The following KLF13 variants were observed in gnomAD, a reference collection of about 807,000 sequenced individuals.
KLF13 encodes the protein KLF transcription factor 13.
A neutral mutation model predicts 16.7 loss-of-function variants in KLF13; 8 were observed. That is an observed-to-expected ratio of 0.48 (90% CI 0.28 to 0.87). The LOEUF (loss-of-function observed/expected upper bound fraction) is 0.87, where lower values mean the gene tolerates loss of function less well. Ranked by LOEUF, KLF13 falls within the 40% of genes least tolerant of loss-of-function variation. The pLI is 0.10. For synonymous variants in KLF13, 245 were observed against 208.4 expected (o/e 1.18, Z -1.51); for missense variants, 447 against 452.2 (o/e 0.99, Z 0.10).
chr15:31,367,915 C>T (rs931666546), intron 1 of KLF13, among the ~76,000 whole-genome samples: 14 of 152,220 alleles, frequency 9.2e-5, no homozygotes, highest in African/African-American at 3.1e-4. Context: ...AACTTACTCT[C>T]TCACAGTTCC....
chr15:31,350,218 C>T (rs1217762685), intron 1 of KLF13, among the ~76,000 whole-genome samples: 1 of 152,234 alleles, frequency 6.6e-6, no homozygotes, highest in Non-Finnish European at 1.5e-5. Flanking sequence ...ATTGGGCATC[C>T]TGGACCCACG....
At chr15:31,431,133 G>A (rs1174834385) in intron 1 of KLF13, among the ~76,000 whole-genome samples, 3 of 152,172 alleles carry the variant, frequency 2.0e-5, no homozygotes, top group Non-Finnish European at 4.4e-5. Flanking sequence ...AAAAGAGCTT[G>A]CTGCCTCTTT....
chr15:31,369,756 GT>G (rs1403933787), intron 1 of KLF13, among the ~76,000 whole-genome samples: 16 of 152,148 alleles, frequency 1.1e-4, no homozygotes, highest in Non-Finnish European at 2.4e-4. Context: ...TAGCTCCTTG[GT>G]TTTATCTCAT....
intron 2 of KLF13, among the ~76,000 whole-genome samples, chr15:31,394,079 C>T (rs1484601142): frequency 1.8e-4 from 27 of 151,920 alleles, no homozygotes; most frequent in Non-Finnish European, 1.5e-4. Context: ...GTGCACTGGC[C>T]AAAGAGAGAT....
At chr15:31,393,878 T>C (rs1206576359) in intron 2 of KLF13, among the ~76,000 whole-genome samples, 1 of 152,128 alleles carries the variant, frequency 6.6e-6, no homozygotes, top group Non-Finnish European at 1.5e-5. Flanking sequence ...CGGGTCGGGC[T>C]TCTGTCTGCG....
At chr15:31,415,663 CT>C (rs2141004529) in intron 1 of KLF13, among the ~76,000 whole-genome samples, 1 of 152,118 alleles carries the variant, frequency 6.6e-6, no homozygotes, top group South Asian at 2.1e-4. Context: ...AAATTTATAG[CT>C]GTAAATACCT....
chr15:31,358,848 G>A (rs1174374556), intron 1 of KLF13, among the ~76,000 whole-genome samples: 38 of 152,182 alleles, frequency 2.5e-4, no homozygotes, highest in Admixed American at 2.5e-3. Context: ...GCCTCCCGAT[G>A]CCCAGAACAA....
chr15:31,371,589 A>G (rs2039555206), intron 1 of KLF13, among the ~76,000 whole-genome samples: 3 of 152,202 alleles, frequency 2.0e-5, no homozygotes, highest in Admixed American at 2.0e-4. Flanking sequence ...ATGGAGCAGC[A>G]TGGGCGGCTG....
chr15:31,356,905 G>A (rs2039309417), intron 1 of KLF13, among the ~76,000 whole-genome samples: 1 of 152,200 alleles, frequency 6.6e-6, no homozygotes, highest in Admixed American at 6.5e-5. Context: ...GGCCCGTCGG[G>A]TGGCATCTGG....
In KLF13 at chr15:31,420,853, C is replaced by T. The variant is rs149828314; in HGVS notation, n.118-14517C>T. On this transcript the variant is annotated intron_variant and non_coding_transcript_variant, in intron 1 of 1. Coordinates refer to the KLF13 transcript ENST00000558225. ...GATTACAAGCACCTGCCACCATGCC[C>T]GGCTAATTTTGATATTTTTAGTAGA... Among the ~76,000 whole-genome samples the T allele has an allele frequency of 2.6e-4, 39 of 152,064 alleles. No homozygotes were observed. The East Asian group carries it at 5.8e-3, about 23-fold the overall frequency.
chr15:31,406,203 G>A (rs117433062), downstream of KLF13, among the ~76,000 whole-genome samples: 87 of 152,306 alleles, frequency 5.7e-4, 1 homozygote, highest in East Asian at 0.01. Context: ...TGATAGGCCC[G>A]GCACAGTGGC....
intron 2 of KLF13, among the ~76,000 whole-genome samples, chr15:31,402,584 G>A (rs1379452604): frequency 6.6e-6 from 1 of 152,246 alleles, no homozygotes; most frequent in Non-Finnish European, 1.5e-5. Context: ...GTCCGACCTG[G>A]CTGTCAGCGG....
chr15:31,333,119 G>C (rs1241662516), intron 1 of KLF13, among the ~76,000 whole-genome samples: 1 of 151,352 alleles, frequency 6.6e-6, no homozygotes, highest in Non-Finnish European at 1.5e-5. Context: ...TGCTCTAGGG[G>C]CCAGGCATCA....
chr15:31,348,671 C>G (rs2140945641), intron 1 of KLF13, among the ~76,000 whole-genome samples: 1 of 152,128 alleles, frequency 6.6e-6, no homozygotes, highest in East Asian at 1.9e-4. Context: ...GCCTTGGGCT[C>G]CAGTGGGGTG....
At chr15:31,400,962 T>A (rs558063221) in intron 2 of KLF13, among the ~76,000 whole-genome samples, 1 of 152,242 alleles carries the variant, frequency 6.6e-6, no homozygotes, top group African/African-American at 2.4e-5. Context: ...CAGGTGACCT[T>A]CTGAGGCAGG....
At chr15:31,405,325 A>AG (rs200121955), downstream of KLF13, among the ~76,000 whole-genome samples, 9 of 152,332 alleles carry the variant, frequency 5.9e-5, 1 homozygote, top group South Asian at 2.1e-4. Context: ...AAAAAACAGA[A>AG]GGAAAAAAAA....
intron 1 of KLF13, among the ~76,000 whole-genome samples, chr15:31,345,692 C>T (rs2039103729): frequency 6.6e-6 from 1 of 152,220 alleles, no homozygotes; most frequent in Non-Finnish European, 1.5e-5. Context: ...TGGGCAGCAT[C>T]CTGCCTGGCT....
rs181916025 is a variant in KLF13 at position 31,428,788 on chromosome 15, G to T, written n.118-6582G>T. Among the ~76,000 whole-genome samples the T allele has an allele frequency of 1.6e-4, 16 of 99,662 alleles. No homozygotes were observed. The East Asian group carries it at 5.1e-3, about 32-fold the overall frequency. 65.4% of individuals were successfully genotyped at this position (99,662 alleles called of 152,430 possible). A position where few individuals can be genotyped will look rare whatever the true frequency, so the allele number is the denominator to read the frequency against. On this transcript the variant is annotated intron_variant and non_coding_transcript_variant, in intron 1 of 1. Coordinates refer to the KLF13 transcript ENST00000558225. ...ACTGCAGTCTGGCCTGGGCGAAAGA[G>T]TGAGACTCTATCTCAAAAAAAAAAA...
intron 1 of KLF13, among the ~76,000 whole-genome samples, chr15:31,386,260 G>C (rs1182067394): frequency 6.6e-6 from 1 of 152,258 alleles, no homozygotes; most frequent in Non-Finnish European, 1.5e-5. Flanking sequence ...CATTTTGGGA[G>C]ACCAAGGCAG....
Sources: allele counts gnomAD v4.1 joint callset (sites outside exome capture counted in the v4.1 genomes callset), GRCh38; gene constraint gnomAD v4.1.1; transcripts MANE v1.5; gene names NCBI Gene and HGNC (gene_info 2026-07-23, HGNC 2026-07-21).